GRIN2A: variants seen among roughly 807,000 people sequenced by gnomAD.
GRIN2A encodes glutamate ionotropic receptor NMDA type subunit 2A.
In GRIN2A, 22 loss-of-function variants were observed where a neutral mutation model predicts 113.4. The observed-to-expected ratio is 0.19, with a 90% CI of 0.14 to 0.28. GRIN2A has a LOEUF of 0.28. Ranked by LOEUF, GRIN2A falls within the 10% of genes least tolerant of loss-of-function variation. The probability of loss-of-function intolerance (pLI) is 1.00; values close to 1 mark genes in which losing one functional copy is unlikely to be tolerated. For synonymous variants in GRIN2A, 827 were observed against 738.4 expected, an observed-to-expected ratio of 1.12 and a Z score of -1.94; for missense variants, 1,502 against 1,887.0, an observed-to-expected ratio of 0.80 and a Z score of 3.78.
intron 2 of GRIN2A, among the ~76,000 whole-genome samples, chr16:10,178,644 T>C (rs770037845): frequency 6.6e-6 from 1 of 152,214 alleles, no homozygotes; most frequent in Non-Finnish European, 1.5e-5. Context: ...TCATTTAAAA[T>C]GAATGTTTAA....
chr16:9,876,029 G>T (rs1206732138), intron 4 of GRIN2A, among the ~76,000 whole-genome samples: 1 of 152,134 alleles, frequency 6.6e-6, no homozygotes, highest in African/African-American at 2.4e-5. Context: ...CTTGGAACGT[G>T]TCCTGGGCCC....
At chr16:9,784,816 T>G (rs1002788067) in intron 11 of GRIN2A, among the ~76,000 whole-genome samples, 1 of 136,782 alleles carries the variant, frequency 7.3e-6, no homozygotes, top group Non-Finnish European at 1.6e-5. Flanking sequence ...AAGACATTTA[T>G]GCAGTCAAAA....
At chr16:10,111,109 G>A (rs928408124) in intron 2 of GRIN2A, among the ~76,000 whole-genome samples, 4 of 152,202 alleles carry the variant, frequency 2.6e-5, no homozygotes, top group African/African-American at 4.8e-5. Context: ...GCTTTCAAGG[G>A]ATTTGTTCAA....
rs541442845 is a variant in GRIN2A at position 9,833,966 on chromosome 16, C to G, written c.1777+139G>C. ...ACTCCTGACCTCATGATCCACCCACCTCGGTCTCCCAAAGTGCTGGGATTA... is the reference window on the plus strand; with the variant it reads ...ACTCCTGACCTCATGATCCACCCACGTCGGTCTCCCAAAGTGCTGGGATTA... On this transcript the variant is annotated intron_variant, in intron 8 of 12. Transcript: ENST00000330684. The G allele has an allele frequency of 3.7e-4, 302 of 826,694 alleles. 2 individuals are homozygous for G. In the South Asian group the frequency reaches 4.0e-3, roughly 11 times the overall value. 51.2% of individuals were successfully genotyped at this position (826,694 alleles called of 1,614,324 possible).
intron 2 of GRIN2A, among the ~76,000 whole-genome samples, chr16:10,124,559 CA>C (rs1419645659): frequency 1.3e-5 from 2 of 152,156 alleles, no homozygotes; most frequent in East Asian, 1.9e-4. Context: ...CAGATACAGA[CA>C]GGGGCACTGA....
intron 2 of GRIN2A, among the ~76,000 whole-genome samples, chr16:10,125,283 G>A (rs1030490906): frequency 2.6e-5 from 4 of 152,128 alleles, no homozygotes; most frequent in African/African-American, 9.7e-5. Context: ...CACCAGTACG[G>A]GATTTTTTCA....
intron 8 of GRIN2A, among the ~76,000 whole-genome samples, chr16:9,832,705 G>A (rs1307092673): frequency 6.6e-6 from 1 of 152,170 alleles, no homozygotes; most frequent in African/African-American, 2.4e-5. Context: ...GTATCACAGT[G>A]TGGTCACTCA....
chr16:10,090,473 A>G (rs987025693), intron 2 of GRIN2A, among the ~76,000 whole-genome samples: 6 of 152,220 alleles, frequency 3.9e-5, no homozygotes, highest in Non-Finnish European at 5.9e-5. Flanking sequence ...GGAAAATTTG[A>G]TATCAATATG....
intron 3 of GRIN2A, among the ~76,000 whole-genome samples, chr16:9,912,170 G>C (rs1180964711): frequency 6.6e-6 from 1 of 151,804 alleles, no homozygotes; most frequent in Non-Finnish European, 1.5e-5. Context: ...GGAAGAAGAA[G>C]AATGGGGAAA....
intron 11 of GRIN2A, among the ~76,000 whole-genome samples, chr16:9,771,659 T>C (rs1901281059): frequency 6.6e-6 from 1 of 151,198 alleles, no homozygotes; most frequent in African/African-American, 2.4e-5. Flanking sequence ...CTTTTGACCA[T>C]GAGCTAATCT....
Position 10,044,022 on chromosome 16 carries a change from T to TATAGAG in GRIN2A, c.415-105472_415-105471insCTCTAT, listed in dbSNP as rs531659457. 7.0e-3 allele frequency among the ~76,000 whole-genome samples: 750 copies of TATAGAG among 107,906 alleles called. 3 individuals carry two copies. Among genetic ancestry groups the TATAGAG allele is most frequent in the South Asian group, 0.017 (41 of 2,466 alleles). 70.8% of individuals were successfully genotyped at this position (107,906 alleles called of 152,430 possible). A position where few individuals can be genotyped will look rare whatever the true frequency, so the allele number is the denominator to read the frequency against. Reference sequence around the variant, plus strand: ...GTGTGTGTGTGTATATATATATATATAGAGAGAGAGAGAGAGAGAGAGAGA... The same window carrying TATAGAG: ...GTGTGTGTGTGTATATATATATATATATAGAGAGAGAGAGAGAGAGAGAGAGAGAGA... On this transcript the variant is annotated intron_variant, in intron 2 of 12. Transcript: ENST00000330684.
At chr16:9,925,076 T>C (rs1184313359) in intron 3 of GRIN2A, among the ~76,000 whole-genome samples, 2 of 152,236 alleles carry the variant, frequency 1.3e-5, no homozygotes, top group Non-Finnish European at 2.9e-5. Context: ...GAAGAAATTA[T>C]AAATTTTAAC....
At chr16:10,179,755 G>A in intron 2 of GRIN2A, 1 of 554,070 alleles carries the variant, frequency 1.8e-6, no homozygotes, top group Non-Finnish European at 3.3e-6. Context: ...GCGCTTCCTG[G>A]CACACACACA....
chr16:10,000,318 C>A (rs576464171), intron 2 of GRIN2A, among the ~76,000 whole-genome samples: 1 of 152,214 alleles, frequency 6.6e-6, no homozygotes, highest in South Asian at 2.1e-4. Context: ...TTAACCACTG[C>A]GGCTATTTCT....
At chr16:9,883,973 G>GT (rs1335153609) in intron 4 of GRIN2A, among the ~76,000 whole-genome samples, 2 of 152,062 alleles carry the variant, frequency 1.3e-5, no homozygotes, top group East Asian at 3.9e-4. Flanking sequence ...TAAAAGGCTT[G>GT]TTTTACTTTA....
rs913305012 is a variant in GRIN2A at position 9,760,001 on chromosome 16, C to T, written c.*3148G>A. 4.3e-6 allele frequency: 1 copy of T among 230,962 alleles called. No individual in the cohort carries two copies. Among genetic ancestry groups the T allele is most frequent in the South Asian group, 1.8e-4 (1 of 5,510 alleles). The allele number at this position is 230,962 out of a possible 1,614,324, so 14.3% of individuals were successfully genotyped here. ...CCCAACCGTTTGCATTCAAGTGTAC[C>T]TATCTGAGGACTAGTTGGGTCCTTC... On this transcript the variant is annotated 3_prime_UTR_variant, in exon 13 of 13. Transcript: ENST00000330684.
intron 2 of GRIN2A, among the ~76,000 whole-genome samples, chr16:10,001,072 G>C (rs1239777169): frequency 2.0e-5 from 3 of 152,180 alleles, no homozygotes; most frequent in Non-Finnish European, 2.9e-5. Flanking sequence ...ACTGAGGTCA[G>C]CCTACCTTAC....
chr16:10,180,615 A>G lies in GRIN2A; in HGVS notation c.-18-186T>C. The G allele has an allele frequency of 1.0e-6, 1 of 965,284 alleles. No homozygotes were observed. The highest frequency in any genetic ancestry group is 2.8e-5 in the Admixed American group (1 of 35,848). 59.8% of individuals were successfully genotyped at this position (965,284 alleles called of 1,614,324 possible). ...CATCCCTCGATCCATCTCTAACTCT[A>G]TCCACAACTCCAATTCGAGCTAATT... On this transcript the variant is annotated intron_variant, in intron 1 of 12. Transcript: ENST00000330684. This position sits in a 1 kb window ranked among gnomAD's most constrained non-coding sequence, Gnocchi z 7.0.
chr16:10,002,492 T>A (rs2046338097), intron 2 of GRIN2A, among the ~76,000 whole-genome samples: 1 of 151,954 alleles, frequency 6.6e-6, no homozygotes, highest in Non-Finnish European at 1.5e-5. Flanking sequence ...ACGGATTAGG[T>A]GGGTAAGAGA....
Sources: allele counts gnomAD v4.1 joint callset (sites outside exome capture counted in the v4.1 genomes callset), GRCh38; gene constraint gnomAD v4.1.1; non-coding constraint Gnocchi (gnomAD v3.1); transcripts MANE v1.5; gene names NCBI Gene and HGNC (gene_info 2026-07-23, HGNC 2026-07-21).